The following NAA38 variants were observed in gnomAD, a reference collection of about 807,000 sequenced individuals.
The protein encoded by NAA38 is N-alpha-acetyltransferase 38, NatC auxiliary subunit, also known as LSM domain containing 1.
Under a neutral mutation model 12.6 loss-of-function variants are expected in NAA38, and 15 were observed. The ratio of observed to expected loss-of-function variants is 1.19; its 90% CI spans 0.79 to 1.83. The LOEUF (loss-of-function observed/expected upper bound fraction) is 1.83, where lower values mean the gene tolerates loss of function less well. Ranked by LOEUF, NAA38 falls within the 40% of genes most tolerant of loss-of-function variation. NAA38 has a pLI of 0.00. For missense variants in NAA38, 183 were observed against 171.7 expected (o/e 1.07, Z -0.37); for synonymous variants, 88 against 69.9 (o/e 1.26, Z -1.29).
At chr17:7,878,721 C>T (rs189267877) in intron 2 of NAA38, among the ~76,000 whole-genome samples, 2 of 152,084 alleles carry the variant, frequency 1.3e-5, no homozygotes, top group Admixed American at 6.5e-5. Flanking sequence ...GATGAAACTA[C>T]GTCTCATAAA....
chr17:7,856,868 G>A, intron 2 of NAA38, 25 bp from the exon 3 acceptor site: 1 of 1,611,570 alleles, frequency 6.2e-7, no homozygotes, highest in Non-Finnish European at 8.5e-7. Context: ...CAGAGCATCA[G>A]GAAAGTAGGC....
intron 1 of NAA38, chr17:7,884,764 C>CGGGCGGTGGGTGGGG: frequency 8.8e-6 from 1 of 114,200 alleles, no homozygotes; most frequent in Non-Finnish European, 1.4e-5. Flanking sequence ...GGGAGGCGGG[C>CGGGCGGTGGGTGGGG]GGGCGGTGGG....
upstream of NAA38, chr17:7,862,926 G>T (rs1445783011): frequency 1.3e-5 from 2 of 152,070 alleles, no homozygotes; most frequent in Admixed American, 1.3e-4. Flanking sequence ...GATTTATAAG[G>T]GGGAGGGAAG....
At chr17:7,856,889 C>G in intron 2 of NAA38, 46 bp from the exon 3 acceptor site, 1 of 1,603,598 alleles carries the variant, frequency 6.2e-7, no homozygotes, top group Non-Finnish European at 8.5e-7. Context: ...CAGAATCAGT[C>G]CCGCCCCTCT....
intron 2 of NAA38, among the ~76,000 whole-genome samples, chr17:7,878,603 G>A (rs999076016): frequency 3.9e-5 from 6 of 152,248 alleles, no homozygotes; most frequent in East Asian, 1.9e-4. Flanking sequence ...GCACGCGCCT[G>A]TAATCCCAGC....
At chr17:7,875,291 G>A (rs1251103908) in intron 2 of NAA38, among the ~76,000 whole-genome samples, 1 of 151,752 alleles carries the variant, frequency 6.6e-6, no homozygotes, top group Non-Finnish European at 1.5e-5. Context: ...CACTAAAACT[G>A]GCTTTAAAGG....
Position 7,856,705 on chromosome 17 carries a change from A to C in NAA38, c.*26T>G. The C allele has an allele frequency of 6.3e-7, 1 of 1,580,720 alleles. No individual in the cohort carries two copies. The highest frequency in any genetic ancestry group is 8.7e-7 in the Non-Finnish European group (1 of 1,150,046). ...GCCCATTCGGTCATAAGTTTAATGA[A>C]GTCTGAAAGGTAAGCGCCATCGTGG... On this transcript the variant is annotated 3_prime_UTR_variant, in exon 3 of 3. Transcript: ENST00000575771.
rs752183425 is a variant in NAA38, at chr17:7,857,264, C to G, written c.82-66G>C. The G allele has an allele frequency of 1.9e-5, 30 of 1,609,626 alleles. No individual in the cohort carries two copies. The East Asian group carries it at 6.5e-4, about 35-fold the overall frequency. On this transcript the variant is annotated intron_variant, in intron 1 of 2. Transcript: ENST00000575771. ...GCTGCCCGCCCGCGGAACCACAGCT[C>G]CCGGCAGCCCGCGGGGCACTCACAC...
At chr17:7,866,849 G>A (rs1966992582) in intron 2 of NAA38, among the ~76,000 whole-genome samples, 1 of 152,160 alleles carries the variant, frequency 6.6e-6, no homozygotes, top group African/African-American at 2.4e-5. Flanking sequence ...TCTCATTTAT[G>A]AAATACTCAG....
At chr17:7,883,866 G>A (rs1967378475) in intron 1 of NAA38, among the ~76,000 whole-genome samples, 1 of 151,724 alleles carries the variant, frequency 6.6e-6, no homozygotes, top group Admixed American at 6.6e-5. Context: ...AGAGAAGGGA[G>A]GTGGGGAGGA....
intron 2 of NAA38, among the ~76,000 whole-genome samples, chr17:7,880,852 C>A (rs1350601047): frequency 6.6e-6 from 1 of 152,170 alleles, no homozygotes; most frequent in Non-Finnish European, 1.5e-5. Flanking sequence ...AGAGTAAAGC[C>A]TTCCTGAGCA....
intron 2 of NAA38, among the ~76,000 whole-genome samples, chr17:7,866,978 C>T (rs772746813): frequency 6.6e-6 from 1 of 152,118 alleles, no homozygotes; most frequent in African/African-American, 2.4e-5. Flanking sequence ...TAACCCAGTT[C>T]GGGGGGACCA....
At chr17:7,882,312 A>G (rs1967288606) in intron 2 of NAA38, among the ~76,000 whole-genome samples, 1 of 152,158 alleles carries the variant, frequency 6.6e-6, no homozygotes, top group South Asian at 2.1e-4. Context: ...CTTCCCATAC[A>G]CAGTATGATC....
At position 7,856,759 on chromosome 17, in the gene NAA38, T is replaced by G; in HGVS notation, c.350A>C (p.Glu117Ala). Reference protein sequence around the residue: ...HHIVSIEVQRESLTGPPYL With the variant: ...HHIVSIEVQRASLTGPPYL Reference sequence around the variant, plus strand: ...GAGATACGGAGGCCCGGTCAGACTCTCCCTCTGCACCTCAATGGAAACGAT... The same window carrying G: ...GAGATACGGAGGCCCGGTCAGACTCGCCCTCTGCACCTCAATGGAAACGAT... Residue 117 changes from glutamate (E) to alanine (A), a missense_variant, in exon 3 of 3, where the codon GAG becomes GCG. Glu to Ala is a moderately radical substitution (Grantham distance 107). Coordinates refer to ENST00000575771, the MANE Select transcript of NAA38 (RefSeq NM_001320925.4). 1.2e-6 allele frequency: 2 copies of G among 1,613,956 alleles called. No individual in the cohort carries two copies. The highest frequency in any genetic ancestry group is 1.7e-6 in the Non-Finnish European group (2 of 1,179,986).
chr17:7,859,743 T>C, upstream of NAA38: 2 of 763,356 alleles, frequency 2.6e-6, no homozygotes, highest in Non-Finnish European at 4.4e-6. Context: ...AGCTAGCCTG[T>C]GCCCTTCTGA....
chr17:7,874,851 C>G (rs1318712928), intron 2 of NAA38, among the ~76,000 whole-genome samples: 1 of 139,036 alleles, frequency 7.2e-6, no homozygotes, highest in African/African-American at 2.8e-5. Flanking sequence ...TGCCACTGCA[C>G]TCCAGCCTCG....
intron 2 of NAA38, among the ~76,000 whole-genome samples, chr17:7,872,100 G>C (rs888911227): frequency 6.6e-6 from 1 of 152,180 alleles, no homozygotes; most frequent in Non-Finnish European, 1.5e-5. Flanking sequence ...AGAGCACACA[G>C]TATTTACTGA....
chr17:7,859,024 G>A (rs570474759), upstream of NAA38: 72 of 571,932 alleles, frequency 1.3e-4, no homozygotes, highest in African/African-American at 1.1e-3. Flanking sequence ...AGGGGGACAA[G>A]AGACTCCTTT....
At position 7,872,428 on chromosome 17, in the gene NAA38, G is replaced by C. The variant is rs141392721; in HGVS notation, c.-65-5870C>G. Among the ~76,000 whole-genome samples the C allele has an allele frequency of 1.0e-3, 154 of 152,332 alleles. 1 individual carries two copies. The highest frequency in any genetic ancestry group is 3.5e-3 in the African/African-American group (145 of 41,562). The stretch of plus-strand genomic sequence containing the variant: ...TCTGTTGCCCAGGCTGGAGTGCAGT[G>C]GCACAATCTTGGCTCACTGCAACCT... On this transcript the variant is annotated intron_variant, in intron 2 of 4. Transcript: ENST00000576861.
Sources: gnomAD v4.1 joint callset for allele counts (sites outside exome capture counted in the v4.1 genomes callset) on GRCh38, gnomAD v4.1.1 for gene constraint, MANE v1.5 for transcripts, NCBI Gene and HGNC (gene_info 2026-07-23, HGNC 2026-07-21) for gene names.